The following KDM4C variants were observed in gnomAD, a reference collection of about 807,000 sequenced individuals.
KDM4C encodes the protein lysine-specific demethylase 4C.
Under a neutral mutation model 129.3 loss-of-function variants are expected in KDM4C, and 81 were observed. The observed-to-expected ratio is 0.63, with a 90% CI of 0.52 to 0.75. The LOEUF (loss-of-function observed/expected upper bound fraction) is 0.75. Ranked by LOEUF, KDM4C falls within the 30% of genes least tolerant of loss-of-function variation. The pLI, the probability that KDM4C is intolerant of heterozygous loss-of-function variation, is 0.00. For missense variants in KDM4C, 1,457 were observed against 1,304.0 expected (o/e 1.12, Z -1.81); for synonymous variants, 573 against 456.1 (o/e 1.26, Z -3.26).
At chr9:7,020,142 C>G (rs555974809) in intron 15 of KDM4C, among the ~76,000 whole-genome samples, 1 of 152,076 alleles carries the variant, frequency 6.6e-6, no homozygotes, top group Non-Finnish European at 1.5e-5. Flanking sequence ...AAAATAAAAA[C>G]CAAAATATAT....
intron 17 of KDM4C, among the ~76,000 whole-genome samples, chr9:7,096,616 G>T (rs980485037): frequency 2.0e-5 from 3 of 152,308 alleles, no homozygotes; most frequent in South Asian, 2.1e-4. Flanking sequence ...GAGTATGGCA[G>T]TTGGTCAAGG....
At chr9:6,846,997 C>T (rs759628938) in intron 4 of KDM4C, among the ~76,000 whole-genome samples, 13 of 152,118 alleles carry the variant, frequency 8.5e-5, no homozygotes, top group Non-Finnish European at 1.6e-4. Flanking sequence ...TAATCTAGGT[C>T]TTTTTGTCCA....
At chr9:6,736,423 G>C (rs1423487683) in intron 1 of KDM4C, among the ~76,000 whole-genome samples, 3 of 152,092 alleles carry the variant, frequency 2.0e-5, no homozygotes, top group Non-Finnish European at 4.4e-5. Context: ...TGGTTCTGTG[G>C]GCTGGGCCCA....
At chr9:6,793,254 T>C (rs1201178695) in intron 2 of KDM4C, 122 bp downstream of exon 2, 1 of 913,352 alleles carries the variant, frequency 1.1e-6, no homozygotes, top group Non-Finnish European at 1.7e-6. Context: ...TTGTTCTCGT[T>C]AATCCATGTG....
intron 2 of KDM4C, among the ~76,000 whole-genome samples, chr9:6,800,239 C>T (rs1274191919): frequency 3.3e-5 from 5 of 152,166 alleles, no homozygotes; most frequent in African/African-American, 1.2e-4. Flanking sequence ...TGGTGGTGCA[C>T]ATCTGTAATC....
At chr9:6,769,211 T>C (rs1278966310) in intron 1 of KDM4C, among the ~76,000 whole-genome samples, 1 of 152,170 alleles carries the variant, frequency 6.6e-6, no homozygotes, top group African/African-American at 2.4e-5. Flanking sequence ...TTGCTGTTTT[T>C]TTTTTCCATG....
At chr9:6,736,035 A>G (rs1229877325) in intron 1 of KDM4C, among the ~76,000 whole-genome samples, 1 of 152,196 alleles carries the variant, frequency 6.6e-6, no homozygotes, top group Admixed American at 6.6e-5. Context: ...GTTATGTTTT[A>G]GCAAGGAGAC....
chr9:6,743,342 A>G (rs897178539), intron 1 of KDM4C, among the ~76,000 whole-genome samples: 1 of 152,134 alleles, frequency 6.6e-6, no homozygotes, highest in Non-Finnish European at 1.5e-5. Flanking sequence ...CACCCCGCAC[A>G]ATTCAGGGCA....
intron 1 of KDM4C, among the ~76,000 whole-genome samples, chr9:6,780,980 T>C (rs1020002818): frequency 6.6e-6 from 1 of 152,030 alleles, no homozygotes; most frequent in Non-Finnish European, 1.5e-5. Flanking sequence ...ATTCTACTTT[T>C]CTCTGCTGAT....
chr9:6,741,117 G>A (rs1033838266), intron 1 of KDM4C, among the ~76,000 whole-genome samples: 11 of 151,832 alleles, frequency 7.2e-5, no homozygotes, highest in African/African-American at 2.7e-4. Flanking sequence ...AAAAACTCAG[G>A]CCAGGCACAG....
At chr9:7,118,676 C>T (rs1264067152) in intron 18 of KDM4C, among the ~76,000 whole-genome samples, 7 of 152,130 alleles carry the variant, frequency 4.6e-5, no homozygotes, top group African/African-American at 1.4e-4. Context: ...TGCTCTTTGG[C>T]CTGTACGTCG....
At chr9:6,796,593 C>T (rs567461650) in intron 2 of KDM4C, among the ~76,000 whole-genome samples, 12 of 152,160 alleles carry the variant, frequency 7.9e-5, no homozygotes, top group Non-Finnish European at 1.8e-4. Context: ...CAGAGCACAC[C>T]TGCGTCGCTG....
intron 1 of KDM4C, among the ~76,000 whole-genome samples, chr9:6,780,048 C>T (rs1217535259): frequency 1.3e-5 from 2 of 152,270 alleles, no homozygotes; most frequent in East Asian, 1.9e-4. Context: ...TCACCCTTAT[C>T]TTAACCAGAT....
Position 6,983,783 on chromosome 9 carries a change from G to C in KDM4C, c.1116-383G>C, listed in dbSNP as rs1416239480. The stretch of plus-strand genomic sequence containing the variant: ...TAGCACTAGCCTAACAGGATATTCT[G>C]ATTTTTATTTATTTTCTTCATTTTC... On this transcript the variant is annotated intron_variant, in intron 9 of 21. Transcript: ENST00000381309. Among the ~76,000 whole-genome samples the C allele has an allele frequency of 1.2e-3, 3 of 2,430 alleles. No homozygotes were observed. In the East Asian group the frequency reaches 0.12, roughly 101 times the overall value. The allele number at this position is 2,430 out of a possible 152,430, so 1.6% of individuals were successfully genotyped here. A position where few individuals can be genotyped will look rare whatever the true frequency, so the allele number is the denominator to read the frequency against.
intron 1 of KDM4C, among the ~76,000 whole-genome samples, chr9:6,747,288 C>A (rs914453097): frequency 2.6e-5 from 4 of 151,966 alleles, no homozygotes; most frequent in African/African-American, 4.8e-5. Flanking sequence ...TGGCTCCAGC[C>A]TGTAATCCCA....
At chr9:7,166,553 G>T (rs2130442220) in intron 20 of KDM4C, among the ~76,000 whole-genome samples, 1 of 152,202 alleles carries the variant, frequency 6.6e-6, no homozygotes, top group Middle Eastern at 3.4e-3. Flanking sequence ...AATAGTAAAG[G>T]TACTGGAGCT....
chr9:6,724,443 A>C (rs999197268), intron 1 of KDM4C, among the ~76,000 whole-genome samples: 10 of 152,204 alleles, frequency 6.6e-5, no homozygotes, highest in Non-Finnish European at 8.8e-5. Context: ...AACATCAACA[A>C]AGAAGGTAAT....
chr9:6,753,284 C>A (rs763802542), upstream of KDM4C, among the ~76,000 whole-genome samples: 1 of 152,182 alleles, frequency 6.6e-6, no homozygotes, highest in Admixed American at 6.6e-5. Context: ...TCTTCCAACT[C>A]AGGCCTAAGA....
At chr9:6,945,417 T>A (rs1465757783) in intron 8 of KDM4C, among the ~76,000 whole-genome samples, 1 of 152,218 alleles carries the variant, frequency 6.6e-6, no homozygotes, top group Non-Finnish European at 1.5e-5. Flanking sequence ...TTATAAAGCA[T>A]TTAGTAGTAG....
Sources: gnomAD v4.1 joint callset for allele counts (sites outside exome capture counted in the v4.1 genomes callset) on GRCh38, gnomAD v4.1.1 for gene constraint, MANE v1.5 for transcripts, NCBI Gene and HGNC (gene_info 2026-07-23, HGNC 2026-07-21) for gene names.